The following GRM8 variants were observed in gnomAD, a reference collection of about 807,000 sequenced individuals.
GRM8 encodes the protein metabotropic glutamate receptor 8.
Under a neutral mutation model 87.2 loss-of-function variants are expected in GRM8, and 47 were observed. The ratio of observed to expected loss-of-function variants is 0.54; its 90% CI spans 0.43 to 0.69. The LOEUF is 0.69. Among genes scored for constraint, GRM8 ranks in the 30% least tolerant of loss-of-function variants. The probability of loss-of-function intolerance (pLI) is 0.00; values close to 1 mark genes in which losing one functional copy is unlikely to be tolerated. For missense variants in GRM8, 1,019 were observed against 1,139.2 expected (o/e 0.89, Z 1.52); for synonymous variants, 396 against 404.5 (o/e 0.98, Z 0.25).
intron 9 of GRM8, among the ~76,000 whole-genome samples, chr7:126,453,292 C>A (rs766677335): frequency 1.3e-5 from 2 of 151,748 alleles, no homozygotes; most frequent in African/African-American, 4.8e-5. Context: ...AGGTCAGATA[C>A]ATTGCACTGT....
At chr7:126,497,523 T>C (rs1808942967) in intron 9 of GRM8, among the ~76,000 whole-genome samples, 2 of 151,974 alleles carry the variant, frequency 1.3e-5, no homozygotes. Flanking sequence ...GTAGATATAT[T>C]CGAAATAATA....
chr7:127,174,251 G>C (rs897411283), intron 2 of GRM8, among the ~76,000 whole-genome samples: 2 of 152,164 alleles, frequency 1.3e-5, no homozygotes. Flanking sequence ...GTGAAAAGAA[G>C]GGCAAACTCA....
intron 2 of GRM8, among the ~76,000 whole-genome samples, chr7:127,209,413 C>T (rs890615903): frequency 6.6e-6 from 1 of 152,244 alleles, no homozygotes; most frequent in Admixed American, 6.5e-5. Context: ...ATGAAAGTGA[C>T]AGAAGGACAT....
rs1807089934 is a variant in GRM8 at position 126,677,419 on chromosome 7, C to T, written c.1358-67921G>A. 1.3e-5 allele frequency among the ~76,000 whole-genome samples: 2 copies of T among 149,428 alleles called. 1 individual carries two copies. Among genetic ancestry groups the T allele is most frequent in the South Asian group, 4.2e-4 (2 of 4,756 alleles). Reference sequence around the variant, plus strand: ...CTGCACGCATATAGTTATCACAGTACAATTCACAATTACAAAGATACGGAC... The same window carrying T: ...CTGCACGCATATAGTTATCACAGTATAATTCACAATTACAAAGATACGGAC... On this transcript the variant is annotated intron_variant, in intron 7 of 10. Transcript: ENST00000339582.
At chr7:126,642,876 A>G (rs1233045612) in intron 7 of GRM8, among the ~76,000 whole-genome samples, 3 of 152,068 alleles carry the variant, frequency 2.0e-5, no homozygotes, top group Admixed American at 2.0e-4. Context: ...TCTTATCCAT[A>G]AAATGGGGGT....
chr7:127,226,825 A>G (rs958318933), intron 2 of GRM8, among the ~76,000 whole-genome samples: 5 of 152,208 alleles, frequency 3.3e-5, no homozygotes, highest in African/African-American at 1.2e-4. Context: ...ATATGCTCAC[A>G]TCATTTCATG....
At chr7:126,841,948 A>C (rs1411737807) in intron 6 of GRM8, among the ~76,000 whole-genome samples, 4 of 152,262 alleles carry the variant, frequency 2.6e-5, no homozygotes. Context: ...TTTATTTTCA[A>C]ACAAATGTTG....
At chr7:127,086,801 G>A (rs1563493374) in intron 3 of GRM8, among the ~76,000 whole-genome samples, 3 of 152,148 alleles carry the variant, frequency 2.0e-5, no homozygotes. Context: ...TCCTGTTTTA[G>A]CATAAATAAA....
chr7:127,075,150 C>G (rs940060682), intron 3 of GRM8, among the ~76,000 whole-genome samples: 6 of 152,102 alleles, frequency 3.9e-5, no homozygotes, highest in African/African-American at 1.4e-4. Flanking sequence ...TAGTTAAGTT[C>G]CTAGTAAAGA....
chr7:126,816,851 A>T (rs1369423658), intron 6 of GRM8, among the ~76,000 whole-genome samples: 3 of 152,144 alleles, frequency 2.0e-5, no homozygotes, highest in African/African-American at 7.2e-5. Flanking sequence ...CCAGTTGCAC[A>T]AATTATCAAC....
At chr7:126,630,468 G>C (rs958392924) in intron 7 of GRM8, among the ~76,000 whole-genome samples, 2 of 152,076 alleles carry the variant, frequency 1.3e-5, no homozygotes, top group African/African-American at 4.8e-5. Context: ...AGAAGAGCTG[G>C]TACCATTCCT....
intron 9 of GRM8, among the ~76,000 whole-genome samples, chr7:126,473,562 G>T (rs1805554835): frequency 6.6e-6 from 1 of 152,174 alleles, no homozygotes. Flanking sequence ...TGAGACTTTG[G>T]ACCGTGGACT....
chr7:126,661,387 T>C (rs967934507), intron 7 of GRM8, among the ~76,000 whole-genome samples: 1 of 152,228 alleles, frequency 6.6e-6, no homozygotes, highest in Non-Finnish European at 1.5e-5. Context: ...TTATATCTTC[T>C]AATATAAAAC....
At chr7:126,891,555 G>C (rs1801010423) in intron 6 of GRM8, among the ~76,000 whole-genome samples, 1 of 151,876 alleles carries the variant, frequency 6.6e-6, no homozygotes, top group Non-Finnish European at 1.5e-5. Flanking sequence ...CCCTCTCCTA[G>C]TCTCTACAAC....
At chr7:127,160,534 C>T (rs1048959084) in intron 2 of GRM8, among the ~76,000 whole-genome samples, 12 of 151,672 alleles carry the variant, frequency 7.9e-5, no homozygotes, top group South Asian at 2.1e-4. Context: ...ATCACGCGCG[C>T]GCACACACAC....
intron 9 of GRM8, among the ~76,000 whole-genome samples, chr7:126,499,309 T>G (rs570835631): frequency 2.6e-5 from 4 of 151,818 alleles, no homozygotes; most frequent in African/African-American, 7.2e-5. Context: ...TGAAAGAGCT[T>G]AAATGTTGGC....
chr7:127,139,957 A>T (rs1323350744), intron 2 of GRM8, among the ~76,000 whole-genome samples: 2 of 152,040 alleles, frequency 1.3e-5, no homozygotes, highest in Non-Finnish European at 2.9e-5. Context: ...CCATGGATCA[A>T]TGTTTTCCAG....
At chr7:126,557,514 A>G (rs1422435699) in intron 8 of GRM8, among the ~76,000 whole-genome samples, 4 of 152,088 alleles carry the variant, frequency 2.6e-5, no homozygotes, top group Non-Finnish European at 5.9e-5. Context: ...TAAAACAACC[A>G]CAAGTGGCGA....
intron 6 of GRM8, among the ~76,000 whole-genome samples, chr7:126,857,339 T>C (rs954356311): frequency 1.3e-5 from 2 of 152,138 alleles, no homozygotes; most frequent in African/African-American, 4.8e-5. Context: ...TTCCACTGAG[T>C]TACCCAGGTA....
Sources: allele counts gnomAD v4.1 joint callset (sites outside exome capture counted in the v4.1 genomes callset), GRCh38; gene constraint gnomAD v4.1.1; transcripts MANE v1.5; gene names NCBI Gene and HGNC (gene_info 2026-07-23, HGNC 2026-07-21).